The following SASH1 variants were observed in gnomAD, a reference collection of about 807,000 sequenced individuals.
SASH1 encodes SAM and SH3 domain containing 1, also known as SAM and SH3 domain-containing protein 1.
In SASH1, 44 loss-of-function variants were observed where a neutral mutation model predicts 125.2. The ratio of observed to expected loss-of-function variants is 0.35; its 90% CI spans 0.28 to 0.45. The LOEUF (loss-of-function observed/expected upper bound fraction) is 0.45, where lower values mean the gene tolerates loss of function less well. SASH1 is among the 20% of genes least tolerant of loss of function. The pLI is 1.00. For synonymous variants in SASH1, 639 were observed against 649.1 expected (o/e 0.98, Z 0.24); for missense variants, 1,426 against 1,614.5 (o/e 0.88, Z 2.00).
chr6:148,210,625 G>A, the SASH1 span, among the ~76,000 whole-genome samples: 1 of 152,154 alleles, frequency 6.6e-6, no homozygotes, highest in South Asian at 2.1e-4. Context: ...AGAGAGTTGG[G>A]GAATAATTAA....
intron 1 of SASH1, among the ~76,000 whole-genome samples, chr6:148,282,187 G>C (rs183098215): frequency 6.6e-6 from 1 of 152,216 alleles, no homozygotes; most frequent in African/African-American, 2.4e-5. Flanking sequence ...TGGCTGAGCC[G>C]GGCAGGAAAC....
intron 8 of SASH1, chr6:148,512,612 T>A: frequency 5.1e-6 from 5 of 983,940 alleles, no homozygotes; most frequent in Non-Finnish European, 6.0e-6. Context: ...TATTATGAAC[T>A]ACACTTATTA....
chr6:148,260,507 G>A, the SASH1 span, among the ~76,000 whole-genome samples: 2 of 151,276 alleles, frequency 1.3e-5, no homozygotes, highest in South Asian at 2.1e-4. Flanking sequence ...TTGGGAGGCC[G>A]AGGCAGGAGG....
chr6:148,432,156 G>T (rs143769943), intron 2 of SASH1, among the ~76,000 whole-genome samples: 153 of 152,126 alleles, frequency 1.0e-3, no homozygotes, highest in African/African-American at 3.5e-3. Flanking sequence ...TGTGTTTTTC[G>T]TAGAGATGGG....
At chr6:148,537,997 T>C (rs1339516713) in intron 16 of SASH1, among the ~76,000 whole-genome samples, 2 of 152,170 alleles carry the variant, frequency 1.3e-5, no homozygotes, top group Non-Finnish European at 2.9e-5. Context: ...TTACCTTTTG[T>C]ACCTTGGCAC....
chr6:148,209,048 G>A, the SASH1 span, among the ~76,000 whole-genome samples: 1 of 152,160 alleles, frequency 6.6e-6, no homozygotes, highest in Admixed American at 6.5e-5. Context: ...ACAAATAGTA[G>A]CTTTCGCCCC....
chr6:148,519,924 A>G lies in SASH1; in HGVS notation c.1209+31A>G. On this transcript the variant is annotated intron_variant, in intron 10 of 19. Coordinates refer to ENST00000367467, the MANE Select transcript of SASH1 (RefSeq NM_015278.5). The surrounding 1 kb of genome is among the most constrained non-coding windows in gnomAD (Gnocchi z 4.8). ...TACGGATGGTGTTTGCTTCTATGAC[A>G]ACCACCGTCGCAGGCACCACCTTCT... 6.8e-7 allele frequency: 1 copy of G among 1,468,442 alleles called. No homozygotes were observed. Among genetic ancestry groups the G allele is most frequent in the Non-Finnish European group, 9.1e-7 (1 of 1,093,268 alleles). The allele number at this position is 1,468,442 out of a possible 1,614,324, so 91.0% of individuals were successfully genotyped here. A position where few individuals can be genotyped will look rare whatever the true frequency, so the allele number is the denominator to read the frequency against.
chr6:148,435,564 G>A (rs1445207316), intron 2 of SASH1, among the ~76,000 whole-genome samples: 1 of 151,930 alleles, frequency 6.6e-6, no homozygotes, highest in Non-Finnish European at 1.5e-5. Flanking sequence ...AAGTCCTCCA[G>A]TACCAGGAAG....
intron 8 of SASH1, among the ~76,000 whole-genome samples, chr6:148,502,542 AGTGCCCCT>A: frequency 6.6e-6 from 1 of 152,354 alleles, no homozygotes; most frequent in Admixed American, 6.5e-5. Context: ...GAGTCAGTGC[AGTGCCCCT>A]GAGGTAGGGA....
intron 1 of SASH1, among the ~76,000 whole-genome samples, chr6:148,318,701 G>C (rs369899907): frequency 3.3e-5 from 5 of 150,806 alleles, no homozygotes; most frequent in Admixed American, 6.6e-5. Context: ...TACAGGCGCC[G>C]GCCACCACGC....
Position 148,368,760 on chromosome 6 carries a change from G to GCACACA in SASH1, c.157-21371_157-21370insACACAC, listed in dbSNP as rs1391322609. Among the ~76,000 whole-genome samples, 6 of 14,950 alleles carry GCACACA rather than the reference G, an allele frequency of 4.0e-4. No individual in the cohort carries two copies. The Admixed American group carries it at 4.4e-3, about 11-fold the overall frequency. The allele number at this position is 14,950 out of a possible 152,430, so 9.8% of individuals were successfully genotyped here. A position where few individuals can be genotyped will look rare whatever the true frequency, so the allele number is the denominator to read the frequency against. On this transcript the variant is annotated intron_variant, in intron 1 of 19. Transcript: ENST00000367467. ...CTTCCAACCTCCCCCACATGCGCGC[G>GCACACA]CACGCGCGCGCACACACACACACAC...
At chr6:148,391,746 A>T (rs1397663695) in intron 2 of SASH1, among the ~76,000 whole-genome samples, 1 of 152,228 alleles carries the variant, frequency 6.6e-6, no homozygotes, top group Non-Finnish European at 1.5e-5. Context: ...ATAAAATATC[A>T]TAAAAGCGTC....
At chr6:148,536,218 A>C (rs925012974) in intron 16 of SASH1, among the ~76,000 whole-genome samples, 2 of 152,216 alleles carry the variant, frequency 1.3e-5, no homozygotes, top group Non-Finnish European at 2.9e-5. Context: ...GTAGCCTACC[A>C]GCTCAATTAG....
At chr6:148,243,088 G>T in the SASH1 span, among the ~76,000 whole-genome samples, 1 of 152,154 alleles carries the variant, frequency 6.6e-6, no homozygotes, top group Non-Finnish European at 1.5e-5. Context: ...GGCTGAGACA[G>T]GCGAGTCACT....
chr6:148,421,150 A>AAGGAAGG (rs1562396387), intron 2 of SASH1, among the ~76,000 whole-genome samples: 2,495 of 47,912 alleles, frequency 0.052, 33 homozygotes, highest in Middle Eastern at 0.066. Flanking sequence ...AGGAAGGAAG[A>AAGGAAGG]AAGAAAGAAA....
At chr6:148,233,985 G>A in the SASH1 span, among the ~76,000 whole-genome samples, 1 of 152,024 alleles carries the variant, frequency 6.6e-6, no homozygotes, top group Non-Finnish European at 1.5e-5. Flanking sequence ...TAGAAAAAGA[G>A]AGGAAGTGAG....
chr6:148,440,514 A>G (rs1776500687), intron 4 of SASH1, 107 bp downstream of exon 4: 3 of 918,244 alleles, frequency 3.3e-6, no homozygotes, highest in Non-Finnish European at 5.2e-6. Flanking sequence ...CTATGGAGTT[A>G]TGCGATGTCA....
chr6:148,272,264 A>G (rs535067409), upstream of SASH1: 5 of 446,694 alleles, frequency 1.1e-5, no homozygotes, highest in South Asian at 8.3e-5. Context: ...ACAGATTCCC[A>G]TTTAGAGCCT....
Position 148,390,720 on chromosome 6 carries a change from A to G in SASH1, c.285+458A>G, listed in dbSNP as rs1195129411. On this transcript the variant is annotated intron_variant, in intron 2 of 19. Coordinates refer to ENST00000367467, the MANE Select transcript of SASH1 (RefSeq NM_015278.5). Reference sequence around the variant, plus strand: ...GGAGACTGGCGTGAACCTGGGTGGCAGAGCTTGCAGTGAGCCAAGATCACG... The same window carrying G: ...GGAGACTGGCGTGAACCTGGGTGGCGGAGCTTGCAGTGAGCCAAGATCACG... Among the ~76,000 whole-genome samples the G allele has an allele frequency of 1.3e-4, 19 of 151,632 alleles. 1 individual carries two copies. The East Asian group carries it at 1.6e-3, about 12-fold the overall frequency.
Sources: gnomAD v4.1 joint callset for allele counts (sites outside exome capture counted in the v4.1 genomes callset) on GRCh38, gnomAD v4.1.1 for gene constraint, Gnocchi (gnomAD v3.1) non-coding constraint, MANE v1.5 for transcripts, NCBI Gene and HGNC (gene_info 2026-07-23, HGNC 2026-07-21) for gene names.